The following ARHGAP22 variants were observed in gnomAD, a reference collection of about 807,000 sequenced individuals.
The protein encoded by ARHGAP22 is rho GTPase-activating protein 22.
ARHGAP22 carries 48 observed loss-of-function variants against 59.1 expected under a neutral mutation model. The ratio of observed to expected loss-of-function variants is 0.81; its 90% CI spans 0.64 to 1.03. ARHGAP22 has a LOEUF of 1.03. Ranked by LOEUF, ARHGAP22 falls within the 50% of genes least tolerant of loss-of-function variation. ARHGAP22 has a pLI of 0.00. For synonymous variants in ARHGAP22, 445 were observed against 416.4 expected, an observed-to-expected ratio of 1.07 and a Z score of -0.84; for missense variants, 1,015 against 958.7, an observed-to-expected ratio of 1.06 and a Z score of -0.78.
chr10:48,474,560 T>C (rs753255852), intron 4 of ARHGAP22, among the ~76,000 whole-genome samples: 1 of 152,122 alleles, frequency 6.6e-6, no homozygotes, highest in Non-Finnish European at 1.5e-5. Flanking sequence ...AAGTATGTTA[T>C]TATCAGTGGG....
At chr10:48,457,910 A>G (rs10745274) in intron 5 of ARHGAP22, among the ~76,000 whole-genome samples, 135,356 of 145,774 alleles carry the variant, frequency 0.93, 63,412 homozygotes, top group East Asian at 1. Context: ...GGTGAGGAGG[A>G]GACCCTCTGT....
chr10:48,559,122 T>C (rs1480420572), intron 2 of ARHGAP22, among the ~76,000 whole-genome samples: 1 of 152,194 alleles, frequency 6.6e-6, no homozygotes, highest in Non-Finnish European at 1.5e-5. Flanking sequence ...AAAGTGAGTG[T>C]CAGCACTTTG....
At chr10:48,515,518 C>T (rs1205906624) in intron 3 of ARHGAP22, among the ~76,000 whole-genome samples, 1 of 152,032 alleles carries the variant, frequency 6.6e-6, no homozygotes, top group Non-Finnish European at 1.5e-5. Flanking sequence ...TAAAACTAGG[C>T]AGAACATCAA....
intron 1 of ARHGAP22, among the ~76,000 whole-genome samples, chr10:48,631,473 CTTTAATAGT>C (rs2061626475): frequency 6.6e-6 from 1 of 152,156 alleles, no homozygotes; most frequent in Non-Finnish European, 1.5e-5. Flanking sequence ...TATTTAACTT[CTTTAATAGT>C]TATAAGCCAA....
At chr10:48,523,300 G>GT (rs752707030) in intron 3 of ARHGAP22, among the ~76,000 whole-genome samples, 5 of 152,226 alleles carry the variant, frequency 3.3e-5, no homozygotes, top group Non-Finnish European at 7.3e-5. Flanking sequence ...AGCGCGGCAG[G>GT]TGAGTGTTAG....
At position 48,577,318 on chromosome 10, in the gene ARHGAP22, T is replaced by C. The variant is rs149144453; in HGVS notation, c.234+5635A>G. Reference sequence around the variant, plus strand: ...TCTGCTGCCTGCAACTTGCTTTTTGTTTTCTTCCTCTTTTTGTCTTGGTTC... The same window carrying C: ...TCTGCTGCCTGCAACTTGCTTTTTGCTTTCTTCCTCTTTTTGTCTTGGTTC... On this transcript the variant is annotated intron_variant, in intron 2 of 9. Transcript: ENST00000249601. Among the ~76,000 whole-genome samples, 70 of 152,322 alleles carry C rather than the reference T, an allele frequency of 4.6e-4. 2 individuals are homozygous for C. The East Asian group carries it at 0.011, about 24-fold the overall frequency.
intron 9 of ARHGAP22, among the ~76,000 whole-genome samples, chr10:48,447,919 C>G (rs994478675): frequency 5.9e-5 from 9 of 152,148 alleles, no homozygotes; most frequent in African/African-American, 1.9e-4. Context: ...ATATGCTCAG[C>G]ACCTGGCCGC....
chr10:48,577,707 C>CT, intron 2 of ARHGAP22, among the ~76,000 whole-genome samples: 1 of 34,684 alleles, frequency 2.9e-5, no homozygotes, highest in Admixed American at 2.9e-4. Flanking sequence ...TCAGAGAATA[C>CT]ATACAACTCC....
upstream of ARHGAP22, chr10:48,605,092 C>A: frequency 7.6e-7 from 1 of 1,308,906 alleles, no homozygotes; most frequent in Non-Finnish European, 9.8e-7. Context: ...GCGGGGCAGT[C>A]CCTCCGCCTG....
At chr10:48,582,073 C>T (rs1299144369) in intron 2 of ARHGAP22, among the ~76,000 whole-genome samples, 1 of 152,170 alleles carries the variant, frequency 6.6e-6, no homozygotes, top group Non-Finnish European at 1.5e-5. Flanking sequence ...GCCCAGCTCC[C>T]CCTTCACCCC....
upstream of ARHGAP22, among the ~76,000 whole-genome samples, chr10:48,605,653 G>A (rs1386389346): frequency 2.0e-5 from 3 of 152,030 alleles, no homozygotes; most frequent in Non-Finnish European, 4.4e-5. Context: ...TGTGAGGAGC[G>A]GAATCCAGCC....
At chr10:48,561,899 C>A (rs1358710446) in intron 2 of ARHGAP22, among the ~76,000 whole-genome samples, 1 of 152,176 alleles carries the variant, frequency 6.6e-6, no homozygotes, top group East Asian at 1.9e-4. Flanking sequence ...AAACGACAAT[C>A]ACTTTGGAAA....
In ARHGAP22 at chr10:48,450,253, C is replaced by G; in HGVS notation, c.1868+8G>C. On this transcript the variant is annotated splice_region_variant and intron_variant, in intron 9 of 9. Transcript: ENST00000249601. Reference sequence around the variant, plus strand: ...CGTCACAGGAGGCTCCACGGGGCAGCAAGTTACCTTTTCACACTCCTCTCG... The same window carrying G: ...CGTCACAGGAGGCTCCACGGGGCAGGAAGTTACCTTTTCACACTCCTCTCG... 3 of 1,607,688 alleles carry G rather than the reference C, an allele frequency of 1.9e-6. No homozygotes were observed. Among genetic ancestry groups the G allele is most frequent in the Non-Finnish European group, 8.5e-7 (1 of 1,177,666 alleles).
intron 4 of ARHGAP22, 133 bp downstream of exon 4, chr10:48,479,503 C>A: frequency 6.6e-7 from 1 of 1,517,974 alleles, no homozygotes; most frequent in Non-Finnish European, 8.9e-7. Context: ...AAGGGCCAGC[C>A]TGCTGTGAGA....
intron 2 of ARHGAP22, chr10:48,574,936 GTTTAATTGTAA>G (rs1174432741): frequency 6.6e-6 from 1 of 152,222 alleles, no homozygotes; most frequent in Non-Finnish European, 1.5e-5. Flanking sequence ...CAAATCTCAT[GTTTAATTGTAA>G]TCCCCAGTGT....
chr10:48,495,283 T>C lies in ARHGAP22; in HGVS notation c.323-15519A>G, dbSNP rs116900987. On this transcript the variant is annotated intron_variant, in intron 3 of 9. Coordinates refer to ENST00000249601, the MANE Select transcript of ARHGAP22 (RefSeq NM_021226.4). ...TCTTAATTAAAATATCCAGCTTTGA[T>C]TGAGTGCTCACCATATGCTGGGCAT... Among the ~76,000 whole-genome samples the C allele has an allele frequency of 2.4e-3, 371 of 152,300 alleles. 12 individuals carry two copies. The East Asian group carries it at 0.065, about 27-fold the overall frequency.
chr10:48,605,486 A>G (rs146661788), upstream of ARHGAP22, among the ~76,000 whole-genome samples: 2 of 152,190 alleles, frequency 1.3e-5, no homozygotes, highest in African/African-American at 4.8e-5. Flanking sequence ...TAGGGATACT[A>G]TTTATGCCTC....
intron 1 of ARHGAP22, among the ~76,000 whole-genome samples, chr10:48,612,658 C>G (rs556978771): frequency 6.6e-6 from 1 of 152,368 alleles, no homozygotes; most frequent in South Asian, 2.1e-4. Flanking sequence ...GGTCCTCCAG[C>G]TTACAAAGGA....
intron 1 of ARHGAP22, among the ~76,000 whole-genome samples, chr10:48,634,015 C>T (rs924333940): frequency 5.3e-5 from 8 of 152,224 alleles, no homozygotes; most frequent in African/African-American, 1.7e-4. Context: ...GATGCTGCTT[C>T]CTCCCACGCT....
Sources: allele counts gnomAD v4.1 joint callset (sites outside exome capture counted in the v4.1 genomes callset), GRCh38; gene constraint gnomAD v4.1.1; transcripts MANE v1.5; gene names NCBI Gene and HGNC (gene_info 2026-07-23, HGNC 2026-07-21).